The following KIF6 variants were observed in gnomAD, a reference collection of about 807,000 sequenced individuals.
The protein encoded by KIF6 is kinesin-like protein KIF6.
A neutral mutation model predicts 112.7 loss-of-function variants in KIF6; 106 were observed. That is an observed-to-expected ratio of 0.94 (90% confidence interval 0.80 to 1.11). The LOEUF is 1.11. KIF6 is among the 50% of genes least tolerant of loss of function. The pLI, the probability that KIF6 is intolerant of heterozygous loss-of-function variation, is 0.00. For synonymous variants in KIF6, 339 were observed against 339.9 expected (o/e 1.00, Z 0.03); for missense variants, 929 against 964.0 (o/e 0.96, Z 0.48).
chr6:39,714,030 C>T (rs951161948), intron 3 of KIF6, among the ~76,000 whole-genome samples: 3 of 152,206 alleles, frequency 2.0e-5, no homozygotes, highest in Non-Finnish European at 2.9e-5. Context: ...GATCAGAAAG[C>T]AAGCTTATGA....
In KIF6 at chr6:39,543,389, G is replaced by A. The variant is rs571685320; in HGVS notation, c.1426+1166C>T. ...AGGCTTGTGTGTGTGTGTGTGGGTG[G>A]GGGGGGATTCTCAGCTGAACCTACT... On this transcript the variant is annotated intron_variant, in intron 12 of 22. Coordinates refer to ENST00000287152, the MANE Select transcript of KIF6 (RefSeq NM_145027.6). Among the ~76,000 whole-genome samples, 23 of 152,020 alleles carry A rather than the reference G, an allele frequency of 1.5e-4. No individual in the cohort carries two copies. The East Asian group carries it at 3.7e-3, about 24-fold the overall frequency.
At chr6:39,483,321 A>G (rs745749358) in intron 13 of KIF6, among the ~76,000 whole-genome samples, 8 of 152,192 alleles carry the variant, frequency 5.3e-5, no homozygotes, top group Non-Finnish European at 1.2e-4. Flanking sequence ...GCTTGGATGC[A>G]CCAAGATTCT....
rs141829973 is a variant in KIF6, at chr6:39,410,701, G to C, written c.1810+9247C>G. Among the ~76,000 whole-genome samples the C allele has an allele frequency of 7.0e-3, 1,065 of 152,262 alleles. 6 individuals are homozygous for C. The highest frequency in any genetic ancestry group is 0.02 in the African/African-American group (832 of 41,552). On this transcript the variant is annotated intron_variant, in intron 15 of 22. Coordinates refer to ENST00000287152, the MANE Select transcript of KIF6 (RefSeq NM_145027.6). ...TCACTATTACTACTGGTAAAACAAA[G>C]GGGCAATAGTGAGTTGCTTCTTTGA...
At chr6:39,611,133 CTG>C (rs1011538270) in intron 6 of KIF6, among the ~76,000 whole-genome samples, 2 of 152,096 alleles carry the variant, frequency 1.3e-5, no homozygotes, top group African/African-American at 4.8e-5. Flanking sequence ...TGGCGAAACC[CTG>C]TCTCTACCAA....
intron 13 of KIF6, among the ~76,000 whole-genome samples, chr6:39,471,603 T>C (rs1390562432): frequency 6.6e-6 from 1 of 152,208 alleles, no homozygotes; most frequent in African/African-American, 2.4e-5. Context: ...AGTGTCCTGA[T>C]CCTCAATGTC....
chr6:39,474,809 T>C (rs1774327063), intron 13 of KIF6, among the ~76,000 whole-genome samples: 1 of 152,242 alleles, frequency 6.6e-6, no homozygotes, highest in African/African-American at 2.4e-5. Flanking sequence ...CATACGATGG[T>C]TCCAACTCTA....
intron 16 of KIF6, among the ~76,000 whole-genome samples, chr6:39,371,699 T>C (rs1353802142): frequency 1.3e-5 from 2 of 152,188 alleles, no homozygotes; most frequent in East Asian, 3.9e-4. Flanking sequence ...CTTTATCCAA[T>C]TCTCTTCACA....
At chr6:39,409,251 C>G (rs901937290) in intron 15 of KIF6, among the ~76,000 whole-genome samples, 9 of 152,194 alleles carry the variant, frequency 5.9e-5, no homozygotes, top group African/African-American at 2.2e-4. Context: ...AATCCTATCT[C>G]TGTCCAAGCA....
At chr6:39,617,761 A>G in intron 5 of KIF6, 1 of 455,518 alleles carries the variant, frequency 2.2e-6, no homozygotes, top group Non-Finnish European at 4.4e-6. Context: ...CATTCCGTCT[A>G]GACACCCTGA....
chr6:39,455,019 C>G (rs1772968468), intron 13 of KIF6, among the ~76,000 whole-genome samples: 2 of 150,086 alleles, frequency 1.3e-5, no homozygotes, highest in Non-Finnish European at 3.0e-5. Context: ...GAGCCCACCA[C>G]AGCTCAAGGA....
chr6:39,568,209 C>T lies in KIF6; in HGVS notation c.1181+9847G>A, dbSNP rs117709210. Among the ~76,000 whole-genome samples, 31 of 152,200 alleles carry T rather than the reference C, an allele frequency of 2.0e-4. No homozygotes were observed. In the East Asian group the frequency reaches 4.3e-3, roughly 21 times the overall value. Reference sequence around the variant, plus strand: ...TTAAACAGGACACTGCTGCTATAAACGAAAATAACTCTGTATACAGGGGGT... The same window carrying T: ...TTAAACAGGACACTGCTGCTATAAATGAAAATAACTCTGTATACAGGGGGT... On this transcript the variant is annotated intron_variant, in intron 10 of 22. Transcript: ENST00000287152.
chr6:39,578,734 A>G (rs1220126572), intron 9 of KIF6, among the ~76,000 whole-genome samples: 3 of 152,022 alleles, frequency 2.0e-5, no homozygotes, highest in Non-Finnish European at 4.4e-5. Flanking sequence ...ACTGCATTTA[A>G]GGGGTCTGAT....
intron 13 of KIF6, among the ~76,000 whole-genome samples, chr6:39,462,687 T>C (rs1458648005): frequency 6.6e-6 from 1 of 152,116 alleles, no homozygotes; most frequent in Non-Finnish European, 1.5e-5. Context: ...ATATCTGAAA[T>C]GAGAGGCCCA....
chr6:39,362,146 C>G (rs546892092), intron 17 of KIF6, among the ~76,000 whole-genome samples: 2 of 152,038 alleles, frequency 1.3e-5, no homozygotes, highest in African/African-American at 2.4e-5. Context: ...CATAGGCACG[C>G]GGAAAACCAC....
chr6:39,514,200 C>A (rs564794829), intron 13 of KIF6, among the ~76,000 whole-genome samples: 1 of 152,144 alleles, frequency 6.6e-6, no homozygotes, highest in African/African-American at 2.4e-5. Context: ...CCCACAAGAT[C>A]GGATCTTCCC....
At chr6:39,722,689 CAG>C (rs2113909434) in intron 1 of KIF6, among the ~76,000 whole-genome samples, 1 of 152,274 alleles carries the variant, frequency 6.6e-6, no homozygotes, top group African/African-American at 2.4e-5. Context: ...CATTTCTAGT[CAG>C]AGAAAGAACT....
At chr6:39,367,844 G>T (rs759932251) in intron 16 of KIF6, among the ~76,000 whole-genome samples, 1 of 152,100 alleles carries the variant, frequency 6.6e-6, no homozygotes, top group African/African-American at 2.4e-5. Flanking sequence ...TGGTTCAATG[G>T]TTCTCAACTG....
chr6:39,484,231 T>C (rs752384652), intron 13 of KIF6, among the ~76,000 whole-genome samples: 1 of 152,246 alleles, frequency 6.6e-6, no homozygotes, highest in Non-Finnish European at 1.5e-5. Context: ...GCCTGCTCCA[T>C]GGCAGATGCT....
At chr6:39,536,572 A>G (rs941199042) in intron 13 of KIF6, among the ~76,000 whole-genome samples, 3 of 152,276 alleles carry the variant, frequency 2.0e-5, no homozygotes, top group South Asian at 4.1e-4. Flanking sequence ...GGCAATAATC[A>G]ATAGCTTACC....
Sources: allele counts gnomAD v4.1 joint callset (sites outside exome capture counted in the v4.1 genomes callset), GRCh38; gene constraint gnomAD v4.1.1; transcripts MANE v1.5; gene names NCBI Gene and HGNC (gene_info 2026-07-23, HGNC 2026-07-21).